ABCA13: variants seen among roughly 807,000 people sequenced by gnomAD.
ABCA13 encodes ATP binding cassette subfamily A member 13.
In ABCA13, 476 loss-of-function variants were observed where a neutral mutation model predicts 478.7. The observed-to-expected ratio is 0.99, with a 90% confidence interval of 0.92 to 1.07. ABCA13 has a LOEUF of 1.07. ABCA13 is among the 50% of genes least tolerant of loss of function. The pLI, the probability that ABCA13 is intolerant of heterozygous loss-of-function variation, is 0.00. For synonymous variants in ABCA13, 2,252 were observed against 2,158.9 expected (o/e 1.04, Z -1.20); for missense variants, 6,060 against 5,910.6 (o/e 1.03, Z -0.83).
At chr7:48,384,995 C>T (rs748923830) in intron 35 of ABCA13, among the ~76,000 whole-genome samples, 11 of 152,188 alleles carry the variant, frequency 7.2e-5, no homozygotes, top group East Asian at 3.9e-4. Context: ...CTTTGAAGAC[C>T]GTGTCTCCAA....
intron 55 of ABCA13, among the ~76,000 whole-genome samples, chr7:48,555,257 G>A (rs1296982117): frequency 6.6e-6 from 1 of 151,662 alleles, no homozygotes; most frequent in African/African-American, 2.4e-5. Context: ...GAGGATTTTT[G>A]CATCAACATT....
chr7:48,350,867 A>G (rs1048308124), intron 30 of ABCA13, 48 bp downstream of exon 30: 1 of 1,563,362 alleles, frequency 6.4e-7, no homozygotes. Context: ...CAACTCCTGT[A>G]AGTTGTCATT....
At chr7:48,228,311 G>A (rs1250972506) in intron 6 of ABCA13, among the ~76,000 whole-genome samples, 1 of 152,108 alleles carries the variant, frequency 6.6e-6, no homozygotes, top group Non-Finnish European at 1.5e-5. Flanking sequence ...ATGTGTCCAC[G>A]GAGCCCACAC....
At chr7:48,438,932 G>T (rs1823223595) in intron 42 of ABCA13, among the ~76,000 whole-genome samples, 1 of 145,174 alleles carries the variant, frequency 6.9e-6, no homozygotes, top group Non-Finnish European at 1.5e-5. Context: ...GGAAATTTAA[G>T]TTTCCTCTAG....
intron 55 of ABCA13, 130 bp downstream of exon 55, chr7:48,528,475 A>G (rs1269532556): frequency 1.6e-6 from 1 of 630,180 alleles, no homozygotes; most frequent in Non-Finnish European, 2.6e-6. Flanking sequence ...CCTTCCAATT[A>G]CCACTCCTCT....
intron 55 of ABCA13, among the ~76,000 whole-genome samples, chr7:48,539,922 A>T (rs1431927817): frequency 6.6e-6 from 1 of 152,208 alleles, no homozygotes; most frequent in East Asian, 1.9e-4. Context: ...TCGGCAGATA[A>T]TGCAGTTTTA....
chr7:48,202,281 T>C (rs890307067), intron 3 of ABCA13, among the ~76,000 whole-genome samples: 1 of 152,200 alleles, frequency 6.6e-6, no homozygotes, highest in African/African-American at 2.4e-5. Flanking sequence ...AGGGCGCTGA[T>C]TGGTGCGTTT....
chr7:48,312,625 C>T (rs984683494), intron 24 of ABCA13, among the ~76,000 whole-genome samples: 3 of 152,108 alleles, frequency 2.0e-5, no homozygotes, highest in Non-Finnish European at 2.9e-5. Context: ...ATCCACAAAA[C>T]GAACAGTATA....
At chr7:48,321,842 G>A (rs1056786848) in intron 27 of ABCA13, among the ~76,000 whole-genome samples, 7 of 152,180 alleles carry the variant, frequency 4.6e-5, no homozygotes, top group African/African-American at 9.7e-5. Context: ...GGCTGGGCAG[G>A]CCAGGCCCTG....
intron 42 of ABCA13, among the ~76,000 whole-genome samples, chr7:48,449,980 G>GTA (rs1824787497): frequency 6.6e-6 from 1 of 152,134 alleles, no homozygotes; most frequent in African/African-American, 2.4e-5. Context: ...CTGACATTAT[G>GTA]TATATTTCAC....
intron 26 of ABCA13, 55 bp from the exon 27 acceptor site, chr7:48,317,102 T>G: frequency 6.4e-7 from 1 of 1,554,254 alleles, no homozygotes; most frequent in South Asian, 1.2e-5. Context: ...ATTTCCCTAT[T>G]AACCTAGGCA....
At chr7:48,492,186 C>T (rs568256960) in intron 48 of ABCA13, among the ~76,000 whole-genome samples, 24 of 152,296 alleles carry the variant, frequency 1.6e-4, no homozygotes, top group African/African-American at 4.6e-4. Context: ...CCTCATGTCT[C>T]GCTTATGGCC....
chr7:48,193,489 G>C (rs1300293369), intron 2 of ABCA13, among the ~76,000 whole-genome samples: 1 of 151,646 alleles, frequency 6.6e-6, no homozygotes, highest in Non-Finnish European at 1.5e-5. Context: ...GGAGATGATG[G>C]TGATGATGAT....
intron 35 of ABCA13, among the ~76,000 whole-genome samples, chr7:48,380,562 G>C (rs1408180341): frequency 6.6e-6 from 1 of 152,200 alleles, no homozygotes; most frequent in Non-Finnish European, 1.5e-5. Context: ...GAAACACTTT[G>C]CATTTGCACG....
Position 48,278,171 on chromosome 7 carries a change from T to G in ABCA13, c.6977T>G (p.Met2326Arg). 1.9e-6 allele frequency: 3 copies of G among 1,558,660 alleles called. No homozygotes were observed. Among genetic ancestry groups the G allele is most frequent in the Non-Finnish European group, 2.6e-6 (3 of 1,150,118 alleles). The change falls in exon 18 of 62, where the codon ATG becomes AGG. Residue 2326 changes from methionine (M) to arginine (R), a missense_variant. By Grantham distance (91) the Met-to-Arg change is moderately conservative (BLOSUM62 -1). Coordinates refer to ENST00000435803, the MANE Select transcript of ABCA13 (RefSeq NM_152701.5). ...ACCCTGATGATACAAGACAGATTGA[T>G]GAACATTTTTTCAAGTTTAAAGGAG... Reference protein sequence around the residue: ...FLTLMIQDRLMNIFSSLKETI... With the variant: ...FLTLMIQDRLRNIFSSLKETI...
At chr7:48,199,604 A>G (rs1057331423) in intron 3 of ABCA13, among the ~76,000 whole-genome samples, 1 of 152,236 alleles carries the variant, frequency 6.6e-6, no homozygotes, top group Non-Finnish European at 1.5e-5. Context: ...GTAGGTGCTT[A>G]CTTTTTCTGA....
chr7:48,388,147 T>G (rs1407047136), intron 36 of ABCA13, among the ~76,000 whole-genome samples, 188 bp downstream of exon 36: 6 of 152,126 alleles, frequency 3.9e-5, no homozygotes, highest in African/African-American at 1.4e-4. Context: ...CATGACAGTG[T>G]TTGTTCTGTG....
At chr7:48,603,440 G>C (rs888612042) in intron 58 of ABCA13, among the ~76,000 whole-genome samples, 1 of 152,032 alleles carries the variant, frequency 6.6e-6, no homozygotes, top group Non-Finnish European at 1.5e-5. Flanking sequence ...TAGCATGAAG[G>C]GCTGTTGAAT....
chr7:48,263,856 T>C (rs1456455310), intron 15 of ABCA13, among the ~76,000 whole-genome samples: 1 of 151,884 alleles, frequency 6.6e-6, no homozygotes, highest in East Asian at 1.9e-4. Flanking sequence ...ATCACATCCA[T>C]GTTGACATAT....
Sources: gnomAD v4.1 joint callset for allele counts (sites outside exome capture counted in the v4.1 genomes callset) on GRCh38, gnomAD v4.1.1 for gene constraint, MANE v1.5 for transcripts, NCBI Gene and HGNC (gene_info 2026-07-23, HGNC 2026-07-21) for gene names.